Variants in ZSCAN25 observed in about 807,000 individuals in gnomAD.
The protein encoded by ZSCAN25 is zinc finger and SCAN domain containing 25, also known as zinc finger and SCAN domain-containing protein 25.
A neutral mutation model predicts 38.7 loss-of-function variants in ZSCAN25; 27 were observed. That is an observed-to-expected ratio of 0.70 (90% CI 0.51 to 0.96). The LOEUF (loss-of-function observed/expected upper bound fraction) is 0.96. Ranked by LOEUF, ZSCAN25 falls within the 40% of genes least tolerant of loss-of-function variation. The probability of loss-of-function intolerance (pLI) is 0.00; values close to 1 mark genes in which losing one functional copy is unlikely to be tolerated. For synonymous variants in ZSCAN25, 273 were observed against 277.7 expected, an observed-to-expected ratio of 0.98 and a Z score of 0.17; for missense variants, 637 against 705.9, an observed-to-expected ratio of 0.90 and a Z score of 1.11.
At chr7:99,693,374 G>T in the ZSCAN25 span, among the ~76,000 whole-genome samples, 1 of 152,204 alleles carries the variant, frequency 6.6e-6, no homozygotes, top group South Asian at 2.1e-4. Context: ...TGAGGAGGCA[G>T]TCTATCCGTT....
At chr7:99,679,812 G>A in the ZSCAN25 span, 27 of 1,613,650 alleles carry the variant, frequency 1.7e-5, no homozygotes, top group Non-Finnish European at 2.2e-5. Flanking sequence ...AGAGGAGTTT[G>A]GACAGTTACT....
chr7:99,662,689 A>G, the ZSCAN25 span: 2 of 868,760 alleles, frequency 2.3e-6, no homozygotes, highest in South Asian at 3.1e-5. This position sits in a 1 kb window ranked among gnomAD's most constrained non-coding sequence, Gnocchi z 4.3. Flanking sequence ...TATAACATCT[A>G]AATGTGTGTT....
the ZSCAN25 span, chr7:99,650,161 A>G: frequency 6.2e-6 from 10 of 1,614,146 alleles, 1 homozygote; most frequent in Middle Eastern, 8.2e-4. Context: ...CCTCATGCCA[A>G]TGCAGTTTCT....
chr7:99,650,599 G>C, the ZSCAN25 span, among the ~76,000 whole-genome samples: 11 of 152,212 alleles, frequency 7.2e-5, no homozygotes, highest in Admixed American at 1.3e-4. Flanking sequence ...ACTCACACTT[G>C]TGTTGGTCAC....
At chr7:99,683,750 G>A in the ZSCAN25 span, among the ~76,000 whole-genome samples, 4 of 151,962 alleles carry the variant, frequency 2.6e-5, no homozygotes, top group African/African-American at 7.3e-5. Flanking sequence ...CACACAGGCC[G>A]GGCTGTTTCT....
chr7:99,737,910 G>A, the ZSCAN25 span, among the ~76,000 whole-genome samples: 1 of 152,154 alleles, frequency 6.6e-6, no homozygotes, highest in African/African-American at 2.4e-5. Flanking sequence ...TAACATGTAG[G>A]GACTTGCCTA....
chr7:99,734,945 A>G, the ZSCAN25 span: 1 of 1,605,840 alleles, frequency 6.2e-7, no homozygotes. Context: ...GCTATTCAAA[A>G]CAGATAAGGG....
chr7:99,622,344 C>A, intron 5 of ZSCAN25: 1 of 603,682 alleles, frequency 1.7e-6, no homozygotes. Flanking sequence ...GAACAGGAGA[C>A]ACCCAGGCCC....
the ZSCAN25 span, among the ~76,000 whole-genome samples, chr7:99,726,975 G>A: frequency 1.3e-5 from 2 of 152,086 alleles, no homozygotes; most frequent in Non-Finnish European, 2.9e-5. Flanking sequence ...GGGCATGGTT[G>A]GATACTTTTG....
chr7:99,628,978 A>T (rs1453119389), intron 7 of ZSCAN25, among the ~76,000 whole-genome samples: 1 of 152,226 alleles, frequency 6.6e-6, no homozygotes, highest in African/African-American at 2.4e-5. Context: ...GCAGCAAGAT[A>T]AGTGGGCGGG....
At chr7:99,666,024 G>A in the ZSCAN25 span, among the ~76,000 whole-genome samples, 1 of 152,190 alleles carries the variant, frequency 6.6e-6, no homozygotes, top group South Asian at 2.1e-4. Context: ...TACACCTGTC[G>A]TTCCTGCATA....
the ZSCAN25 span, among the ~76,000 whole-genome samples, chr7:99,700,214 G>A: frequency 3.3e-5 from 5 of 152,268 alleles, no homozygotes; most frequent in Admixed American, 2.0e-4. Context: ...GCAAAGAATC[G>A]CACACACCCC....
At chr7:99,726,520 A>T in the ZSCAN25 span, among the ~76,000 whole-genome samples, 1 of 152,118 alleles carries the variant, frequency 6.6e-6, no homozygotes, top group Non-Finnish European at 1.5e-5. Flanking sequence ...GATCTTAAAG[A>T]TGCTTTTTTC....
At chr7:99,661,278 G>A in the ZSCAN25 span, among the ~76,000 whole-genome samples, 27 of 152,220 alleles carry the variant, frequency 1.8e-4, no homozygotes, top group African/African-American at 6.0e-4. Flanking sequence ...CCCCACCATC[G>A]AACTACTGAA....
chr7:99,666,449 C>A, the ZSCAN25 span: 1 of 779,168 alleles, frequency 1.3e-6, no homozygotes, highest in South Asian at 1.6e-5. Context: ...CTCATGGGAG[C>A]CACTCCCTCT....
At chr7:99,636,552 C>T (rs773676267), downstream of ZSCAN25, among the ~76,000 whole-genome samples, 23 of 152,126 alleles carry the variant, frequency 1.5e-4, no homozygotes, top group Non-Finnish European at 2.8e-4. Flanking sequence ...CAAGATGTCC[C>T]GCTTAATTTT....
chr7:99,658,638 G>T, the ZSCAN25 span, among the ~76,000 whole-genome samples: 1 of 152,302 alleles, frequency 6.6e-6, no homozygotes, highest in South Asian at 2.1e-4. Context: ...TGCCTTGCTA[G>T]ATTGGGGAAG....
rs1488635810 is a variant in ZSCAN25, at chr7:99,623,445, G to GT, written c.682-611dup. ...GGTGCTGAGCACTAGTAGCAGGGAG[G>GT]TGGGGGCTTTCCAGTGGGGCACCTT... On this transcript the variant is annotated intron_variant, in intron 6 of 7. Transcript: ENST00000394152. Among the ~76,000 whole-genome samples the GT allele has an allele frequency of 2.6e-5, 4 of 152,336 alleles. No homozygotes were observed. The East Asian group carries it at 7.7e-4, about 29-fold the overall frequency.
the ZSCAN25 span, among the ~76,000 whole-genome samples, chr7:99,727,401 A>G: frequency 6.6e-6 from 1 of 152,266 alleles, no homozygotes; most frequent in East Asian, 1.9e-4. Context: ...CTCACACCTG[A>G]TGCATATACT....
Sources: gnomAD v4.1 joint callset for allele counts (sites outside exome capture counted in the v4.1 genomes callset) on GRCh38, gnomAD v4.1.1 for gene constraint, Gnocchi (gnomAD v3.1) non-coding constraint, MANE v1.5 for transcripts, NCBI Gene and HGNC (gene_info 2026-07-23, HGNC 2026-07-21) for gene names.